The following USH2A variants were observed in gnomAD, a reference collection of about 807,000 sequenced individuals.
USH2A encodes usherin.
A neutral mutation model predicts 538.9 loss-of-function variants in USH2A; 443 were observed. The observed-to-expected ratio is 0.82, with a 90% CI of 0.76 to 0.89. USH2A has a LOEUF of 0.89. USH2A is among the 40% of genes least tolerant of loss of function. USH2A has a pLI of 0.00. For synonymous variants in USH2A, 2,413 were observed against 2,273.5 expected (o/e 1.06, Z -1.75); for missense variants, 6,633 against 6,324.8 (o/e 1.05, Z -1.65).
chr1:215,973,306 T>C (rs1220964473), intron 35 of USH2A, among the ~76,000 whole-genome samples: 2 of 152,132 alleles, frequency 1.3e-5, no homozygotes, highest in African/African-American at 2.4e-5. Context: ...TAGAAGTTAA[T>C]TTTCATTGAA....
chr1:215,838,077 G>A lies in USH2A; in HGVS notation c.9285C>T (p.Cys3095=), dbSNP rs777589855. 1.2e-5 allele frequency: 20 copies of A among 1,613,746 alleles called. No individual in the cohort carries two copies. The highest frequency in any genetic ancestry group is 1.6e-4 in the Middle Eastern group (1 of 6,084). ...IQVEVCTIYA[C]VKSNGTQITT... ...TAATTTGGGTTCCATTGCTTTTCAC[G>A]CAGGCATATATTGTGCAGACTTCAA... The change falls in exon 47 of 72, where the codon TGC becomes TGT. Residue 3095 remains cysteine, a synonymous_variant. Transcript: ENST00000307340.
chr1:215,713,953 C>T (rs1659410846), intron 61 of USH2A, among the ~76,000 whole-genome samples: 1 of 152,216 alleles, frequency 6.6e-6, no homozygotes, highest in African/African-American at 2.4e-5. Flanking sequence ...GGGTATGCTA[C>T]TTAACCTCTC....
Position 215,782,037 on chromosome 1 carries a change from C to T in USH2A, c.10740+5G>A, listed in dbSNP as rs2102762606. ...TTTCCCAGAGTTTAGGCAAACTCCT[C>T]TTACCTTGCTACTGGTGGCACAGCC... On this transcript the variant is annotated splice_donor_5th_base_variant and intron_variant, in intron 54 of 71. Transcript: ENST00000307340. The T allele has an allele frequency of 6.2e-7, 1 of 1,613,922 alleles. No homozygotes were observed. The highest frequency in any genetic ancestry group is 1.7e-5 in the Admixed American group (1 of 60,018).
At chr1:215,773,528 C>G (rs1277556438) in intron 55 of USH2A, among the ~76,000 whole-genome samples, 2 of 149,958 alleles carry the variant, frequency 1.3e-5, no homozygotes, top group African/African-American at 4.9e-5. Context: ...CTCTCTCTCT[C>G]TCTCTGTCTT....
At chr1:215,948,519 C>A (rs1666816084) in intron 37 of USH2A, among the ~76,000 whole-genome samples, 1 of 151,172 alleles carries the variant, frequency 6.6e-6, no homozygotes, top group African/African-American at 2.4e-5. Context: ...ATATTGCAAT[C>A]ATAGAATTTT....
intron 40 of USH2A, among the ~76,000 whole-genome samples, chr1:215,895,746 G>A (rs1475126454): frequency 6.6e-6 from 1 of 152,212 alleles, no homozygotes; most frequent in African/African-American, 2.4e-5. Flanking sequence ...CAATGGTACA[G>A]TCTTGTGTCA....
At chr1:215,682,753 C>CT (rs11413043) in intron 61 of USH2A, among the ~76,000 whole-genome samples, 105,840 of 150,338 alleles carry the variant, frequency 0.7, 37,421 homozygotes, top group East Asian at 0.9. Flanking sequence ...CTACATGTAT[C>CT]TAAAAAAAAA....
intron 3 of USH2A, among the ~76,000 whole-genome samples, chr1:216,366,750 C>T (rs1375692080): frequency 1.3e-5 from 2 of 152,054 alleles, no homozygotes; most frequent in African/African-American, 4.8e-5. Flanking sequence ...ATCCATTGAT[C>T]TAGTGTTGCA....
At chr1:216,259,043 A>G (rs2036313069) in intron 11 of USH2A, among the ~76,000 whole-genome samples, 2 of 152,124 alleles carry the variant, frequency 1.3e-5, no homozygotes, top group South Asian at 2.1e-4. Context: ...TACCAGGGAA[A>G]TGGAAAACCA....
intron 9 of USH2A, among the ~76,000 whole-genome samples, chr1:216,300,064 C>T (rs924284485): frequency 8.5e-5 from 13 of 152,062 alleles, no homozygotes; most frequent in Non-Finnish European, 1.8e-4. Context: ...TTCTTGGTCC[C>T]ATAATTGGTT....
At chr1:215,889,257 A>G (rs965381853) in intron 40 of USH2A, among the ~76,000 whole-genome samples, 2 of 152,218 alleles carry the variant, frequency 1.3e-5, no homozygotes, top group African/African-American at 4.8e-5. Context: ...CTTGTTGAAT[A>G]TTATGAAACT....
intron 38 of USH2A, among the ~76,000 whole-genome samples, chr1:215,918,841 GTTAT>G (rs1198029263): frequency 6.6e-6 from 1 of 152,030 alleles, no homozygotes; most frequent in East Asian, 1.9e-4. Flanking sequence ...ATCAGTGATA[GTTAT>G]TTGTTTCTAG....
chr1:216,272,842 C>T (rs911395406), intron 11 of USH2A, among the ~76,000 whole-genome samples: 9 of 152,142 alleles, frequency 5.9e-5, no homozygotes, highest in Non-Finnish European at 1.2e-4. Context: ...AAACAACAAA[C>T]GAGCTTGAGC....
intron 32 of USH2A, among the ~76,000 whole-genome samples, chr1:216,014,622 T>C (rs1431867887): frequency 6.6e-6 from 1 of 152,202 alleles, no homozygotes; most frequent in Non-Finnish European, 1.5e-5. Context: ...AACATCTTGT[T>C]TTCCATTTGC....
At chr1:216,221,408 T>C (rs533978388) in intron 14 of USH2A, among the ~76,000 whole-genome samples, 1 of 152,328 alleles carries the variant, frequency 6.6e-6, no homozygotes, top group Admixed American at 6.5e-5. Flanking sequence ...GCTTCTTAGT[T>C]TCGCTTTAGT....
rs530088681 is a variant in USH2A, at chr1:216,168,350, T to A, written c.4627+6902A>T. Among the ~76,000 whole-genome samples the A allele has an allele frequency of 3.3e-5, 5 of 152,206 alleles. No individual in the cohort carries two copies. In the East Asian group the frequency reaches 9.7e-4, roughly 29 times the overall value. On this transcript the variant is annotated intron_variant, in intron 21 of 71. Coordinates refer to ENST00000307340, the MANE Select transcript of USH2A (RefSeq NM_206933.4). ...ACTGGCAGAAAAGACACTGGACAAT[T>A]TGAGCAGGTATATTTGAGACTATAT... is the stretch of plus-strand genomic sequence containing the variant.
intron 9 of USH2A, among the ~76,000 whole-genome samples, chr1:216,312,193 CCTAA>C (rs1041176821): frequency 7.9e-5 from 12 of 151,696 alleles, no homozygotes; most frequent in Non-Finnish European, 1.6e-4. Context: ...TCTGTCAACA[CCTAA>C]CTATTTAACC....
intron 9 of USH2A, among the ~76,000 whole-genome samples, chr1:216,319,409 A>G (rs2037566343): frequency 6.6e-6 from 1 of 152,204 alleles, no homozygotes; most frequent in Non-Finnish European, 1.5e-5. Context: ...CATACAATCA[A>G]GCATATTAAA....
chr1:216,198,212 T>C (rs1053643954), intron 18 of USH2A, 103 bp downstream of exon 18: 83 of 1,555,466 alleles, frequency 5.3e-5, no homozygotes, highest in Non-Finnish European at 6.5e-5. Flanking sequence ...AAGTTTCTAA[T>C]TCTTGCTTTT....
Sources: gnomAD v4.1 joint callset for allele counts (sites outside exome capture counted in the v4.1 genomes callset) on GRCh38, gnomAD v4.1.1 for gene constraint, MANE v1.5 for transcripts, NCBI Gene and HGNC (gene_info 2026-07-23, HGNC 2026-07-21) for gene names.